The following HMGB1 variants were observed in gnomAD, a reference collection of about 807,000 sequenced individuals.
HMGB1 encodes the protein high mobility group protein B1.
For missense variants in HMGB1, 79 were observed against 253.5 expected (o/e 0.31, Z 4.67); for synonymous variants, 81 against 84.0 (o/e 0.96, Z 0.19).
rs1042675071 is a variant in HMGB1 at position 30,571,461 on chromosome 13, A to AT, written c.-15+45209dup. Among the ~76,000 whole-genome samples, 30 of 151,792 alleles carry AT rather than the reference A, an allele frequency of 2.0e-4. No individual in the cohort carries two copies. The South Asian group carries it at 3.1e-3, about 16-fold the overall frequency. On this transcript the variant is annotated intron_variant, in intron 1 of 4. Transcript: ENST00000405805. ...AGGCATGTGCCACCATGCCCGGCTAATTTTTTTTATTTTTAGTAGAGACGG... is the reference window on the plus strand; with the variant it reads ...AGGCATGTGCCACCATGCCCGGCTAATTTTTTTTTATTTTTAGTAGAGACGG...
At chr13:30,489,599 G>A (rs1887437977) in intron 1 of HMGB1, among the ~76,000 whole-genome samples, 1 of 152,138 alleles carries the variant, frequency 6.6e-6, no homozygotes, top group East Asian at 1.9e-4. Context: ...GAGGAACAGA[G>A]GTTAACACTG....
intron 1 of HMGB1, among the ~76,000 whole-genome samples, chr13:30,507,668 A>G (rs1887898168): frequency 6.6e-6 from 1 of 152,044 alleles, no homozygotes; most frequent in Non-Finnish European, 1.5e-5. Context: ...CCTCTAGTTA[A>G]CTTCTGAGAT....
At chr13:30,505,384 T>C (rs1015536998) in intron 1 of HMGB1, among the ~76,000 whole-genome samples, 2 of 151,760 alleles carry the variant, frequency 1.3e-5, no homozygotes, top group African/African-American at 2.4e-5. Context: ...TTCACCGTGT[T>C]AGCCAGGATG....
rs1421693677 is a variant in HMGB1 at position 30,558,538 on chromosome 13, A to G, written c.-15+58133T>C. Among the ~76,000 whole-genome samples the G allele has an allele frequency of 2.0e-5, 3 of 152,204 alleles. No homozygotes were observed. The South Asian group carries it at 6.2e-4, about 31-fold the overall frequency. On this transcript the variant is annotated intron_variant, in intron 1 of 4. Coordinates refer to the HMGB1 transcript ENST00000405805. ...TTTTTTTAAGATGAAAAAATGTTCA[A>G]CCTTGCTGGCTTTAGAGAAATAGGC...
chr13:30,515,120 C>T lies in HMGB1; in HGVS notation c.-14-51426G>A, dbSNP rs115647717. On this transcript the variant is annotated intron_variant, in intron 1 of 4. Transcript: ENST00000405805. ...TTCAAAGCACAAGAAGACTAGGACT[C>T]GCCCTTGCTGGCTTGAAGGTGTTGG... Among the ~76,000 whole-genome samples, 271 of 152,324 alleles carry T rather than the reference C, an allele frequency of 1.8e-3. 1 individual carries two copies. Among genetic ancestry groups the T allele is most frequent in the African/African-American group, 6.1e-3 (252 of 41,566 alleles).
intron 1 of HMGB1, 171 bp from the exon 2 acceptor site, chr13:30,463,865 G>C (rs977212754): frequency 3.0e-5 from 17 of 557,954 alleles, no homozygotes; most frequent in Non-Finnish European, 4.5e-5. Context: ...TCCTTGAAGG[G>C]GCTATGCCAA....
intron 1 of HMGB1, among the ~76,000 whole-genome samples, chr13:30,514,406 C>T (rs1292612739): frequency 1.4e-5 from 2 of 145,022 alleles, no homozygotes. Flanking sequence ...CGAGTTTGGA[C>T]TCAAACTCCT....
intron 1 of HMGB1, among the ~76,000 whole-genome samples, chr13:30,471,393 G>A (rs1371922342): frequency 2.0e-5 from 3 of 152,014 alleles, no homozygotes; most frequent in African/African-American, 7.3e-5. Flanking sequence ...TGTTGCCTAT[G>A]CTGGAGTGCA....
chr13:30,601,745 C>CAAAAA (rs914063726), intron 1 of HMGB1, among the ~76,000 whole-genome samples: 91 of 3,544 alleles, frequency 0.026, 38 homozygotes, highest in African/African-American at 0.064. Context: ...GACTCCGTCT[C>CAAAAA]AAAAAAAAAA....
chr13:30,507,692 C>G (rs892542551), intron 1 of HMGB1, among the ~76,000 whole-genome samples: 2 of 152,170 alleles, frequency 1.3e-5, no homozygotes, highest in Admixed American at 1.3e-4. Flanking sequence ...GTTACCTACA[C>G]AGAAGACATC....
intron 1 of HMGB1, among the ~76,000 whole-genome samples, chr13:30,491,919 A>G (rs956608311): frequency 5.9e-5 from 9 of 152,368 alleles, no homozygotes; most frequent in Middle Eastern, 3.4e-3. Context: ...CTGTAATCCC[A>G]GCACTTTGGG....
rs1343139046 is a variant in HMGB1, at chr13:30,459,326, A to G, written c.*2031T>C. ...ATCTGTGGTCAAGAATAAACCCTAA[A>G]AAAACTGTTCCCATTCTCAACATCT... On this transcript the variant is annotated 3_prime_UTR_variant, in exon 5 of 5. Transcript: ENST00000341423. The G allele has an allele frequency of 6.6e-6, 1 of 152,208 alleles. No homozygotes were observed. The highest frequency in any genetic ancestry group is 1.5e-5 in the Non-Finnish European group (1 of 68,028). 9.4% of individuals were successfully genotyped at this position (152,208 alleles called of 1,614,324 possible).
rs1869573959 is a variant in HMGB1 at position 30,554,287 on chromosome 13, C to A, written c.-15+62384G>T. 20 of 1,233,358 alleles carry A rather than the reference C, an allele frequency of 1.6e-5. No individual in the cohort carries two copies. The South Asian group carries it at 1.7e-4, about 10-fold the overall frequency. The allele number at this position is 1,233,358 out of a possible 1,614,324, so 76.4% of individuals were successfully genotyped here. On this transcript the variant is annotated intron_variant, in intron 1 of 4. Transcript: ENST00000405805. ...AAGTGAGAGAATCTGGCTCCTTGAACCCTGACCATGGGCCTGCAGTGATCC... is the reference window on the plus strand; with the variant it reads ...AAGTGAGAGAATCTGGCTCCTTGAAACCTGACCATGGGCCTGCAGTGATCC...
chr13:30,502,094 G>T (rs941531547), intron 1 of HMGB1, among the ~76,000 whole-genome samples: 1 of 152,118 alleles, frequency 6.6e-6, no homozygotes, highest in East Asian at 1.9e-4. Flanking sequence ...TTGCTAAAAA[G>T]CATTGGTTCC....
chr13:30,465,990 C>G (rs1028508233), upstream of HMGB1: 4 of 983,828 alleles, frequency 4.1e-6, no homozygotes, highest in East Asian at 4.5e-4. Context: ...GGGGCTCGCT[C>G]ATTGGCCCGA....
rs1273596038 is a variant in HMGB1, at chr13:30,601,715, C to A, written c.-15+14956G>T. The stretch of plus-strand genomic sequence containing the variant: ...GAGCCGAGATCCCGCCACTGCACTC[C>A]AGCCTGGGCGACAGAGCGAGACTCC... On this transcript the variant is annotated intron_variant, in intron 1 of 4. Transcript: ENST00000405805. 6.9e-5 allele frequency among the ~76,000 whole-genome samples: 2 copies of A among 29,194 alleles called. 1 individual carries two copies. The highest frequency in any genetic ancestry group is 7.3e-4 in the East Asian group (2 of 2,742). The allele number at this position is 29,194 out of a possible 152,430, so 19.2% of individuals were successfully genotyped here.
At chr13:30,599,211 G>A (rs908161378) in intron 1 of HMGB1, among the ~76,000 whole-genome samples, 1 of 152,216 alleles carries the variant, frequency 6.6e-6, no homozygotes, top group Non-Finnish European at 1.5e-5. Flanking sequence ...GCTCACGCCT[G>A]TAATCCCAGT....
Position 30,515,460 on chromosome 13 carries a change from G to C in HMGB1, c.-14-51766C>G, listed in dbSNP as rs1343499982. Among the ~76,000 whole-genome samples, 3 of 152,118 alleles carry C rather than the reference G, an allele frequency of 2.0e-5. No individual in the cohort carries two copies. The East Asian group carries it at 5.8e-4, about 29-fold the overall frequency. ...GTCATGCAACAATAGAAGACTAATA[G>C]TACTTCTCTTCAGTGCTTTCACTAT... On this transcript the variant is annotated intron_variant, in intron 1 of 4. Coordinates refer to the HMGB1 transcript ENST00000405805.
At chr13:30,602,377 C>T (rs931644017) in intron 1 of HMGB1, among the ~76,000 whole-genome samples, 4 of 152,174 alleles carry the variant, frequency 2.6e-5, no homozygotes, top group South Asian at 2.1e-4. Flanking sequence ...CAGTCACCTA[C>T]CAGATCATGA....
Sources: allele counts gnomAD v4.1 joint callset (sites outside exome capture counted in the v4.1 genomes callset), GRCh38; gene constraint gnomAD v4.1.1; transcripts MANE v1.5; gene names NCBI Gene and HGNC (gene_info 2026-07-23, HGNC 2026-07-21).